Variants in SLC22A24 observed in about 807,000 individuals in gnomAD.
SLC22A24 encodes the protein steroid transmembrane transporter SLC22A24.
A neutral mutation model predicts 49.8 loss-of-function variants in SLC22A24; 53 were observed. That is an observed-to-expected ratio of 1.06 (90% CI 0.85 to 1.34). The LOEUF (loss-of-function observed/expected upper bound fraction) is 1.34, where lower values mean the gene tolerates loss of function less well. Ranked by LOEUF, SLC22A24 falls within the 40% of genes most tolerant of loss-of-function variation. The probability of loss-of-function intolerance (pLI) is 0.00; values close to 1 mark genes in which losing one functional copy is unlikely to be tolerated. For synonymous variants in SLC22A24, 302 were observed against 256.4 expected, an observed-to-expected ratio of 1.18 and a Z score of -1.70; for missense variants, 786 against 675.9, an observed-to-expected ratio of 1.16 and a Z score of -1.81.
chr11:63,139,348 A>G (rs183986424), intron 1 of SLC22A24, among the ~76,000 whole-genome samples: 12 of 152,310 alleles, frequency 7.9e-5, no homozygotes, highest in Admixed American at 7.2e-4. Flanking sequence ...ATCCCTCTCA[A>G]AATGCTGTGT....
chr11:63,113,320 T>G (rs2087188417), intron 4 of SLC22A24, among the ~76,000 whole-genome samples: 1 of 151,180 alleles, frequency 6.6e-6, no homozygotes, highest in South Asian at 2.1e-4. Context: ...TTATTTTGCC[T>G]GTTAATTGAT....
At chr11:63,084,598 A>T (rs1184883894) in intron 6 of SLC22A24, among the ~76,000 whole-genome samples, 2 of 152,086 alleles carry the variant, frequency 1.3e-5, no homozygotes, top group Non-Finnish European at 2.9e-5. Context: ...AATTTACATA[A>T]AGGCACCCAG....
intron 7 of SLC22A24, among the ~76,000 whole-genome samples, chr11:63,083,027 T>C (rs569644528): frequency 1.4e-4 from 21 of 152,252 alleles, no homozygotes; most frequent in African/African-American, 4.8e-4. Flanking sequence ...GACAACCGTG[T>C]GTCTGAACCA....
At chr11:63,125,405 G>T (rs1455529274) in intron 2 of SLC22A24, among the ~76,000 whole-genome samples, 2 of 152,154 alleles carry the variant, frequency 1.3e-5, no homozygotes, top group African/African-American at 2.4e-5. Context: ...AGAACATGCA[G>T]TGTTTAGTTT....
At chr11:63,128,314 G>C (rs986289202) in intron 2 of SLC22A24, among the ~76,000 whole-genome samples, 1 of 151,998 alleles carries the variant, frequency 6.6e-6, no homozygotes, top group Non-Finnish European at 1.5e-5. Context: ...TAACACCAGC[G>C]CCTGGGAAGA....
In SLC22A24 at chr11:63,143,380, C is replaced by A; in HGVS notation, c.400G>T (p.Glu134Ter). The A allele has an allele frequency of 1.4e-6, 2 of 1,447,370 alleles. No individual in the cohort carries two copies. The highest frequency in any genetic ancestry group is 1.8e-6 in the Non-Finnish European group (2 of 1,098,424). The allele number at this position is 1,447,370 out of a possible 1,614,324, so 89.7% of individuals were successfully genotyped here. A position where few individuals can be genotyped will look rare whatever the true frequency, so the allele number is the denominator to read the frequency against. Residue 134 changes from glutamate to a stop codon, truncating the protein, a stop_gained and splice_region_variant, in exon 1 of 10, where the codon GAG becomes TAG. Transcript: ENST00000612278. LOFTEE classifies it high-confidence loss of function. Reference sequence around the variant, plus strand: ...AAGATTTACATGGGGCCTCTTACCTCAGTCACGATGGTGGAGAGGAAAGAG... The same window carrying A: ...AAGATTTACATGGGGCCTCTTACCTAAGTCACGATGGTGGAGAGGAAAGAG... ...RSSFLSTIVT[E>*]WDLVCESQSL... is the part of the protein sequence containing the mutation.
In SLC22A24 at chr11:63,086,208, A is replaced by G. The variant is rs371332354; in HGVS notation, c.1071-2751T>C. ...TGGATATACACCCAAAGGAATATAAATCATTCTACTATAAAGATGCATGTA... is the reference window on the plus strand; with the variant it reads ...TGGATATACACCCAAAGGAATATAAGTCATTCTACTATAAAGATGCATGTA... On this transcript the variant is annotated intron_variant, in intron 6 of 9. Coordinates refer to ENST00000612278, the MANE Select transcript of SLC22A24 (RefSeq NM_001136506.2). Among the ~76,000 whole-genome samples, 10 of 152,342 alleles carry G rather than the reference A, an allele frequency of 6.6e-5. No homozygotes were observed. In the South Asian group the frequency reaches 1.0e-3, roughly 16 times the overall value.
intron 2 of SLC22A24, among the ~76,000 whole-genome samples, chr11:63,124,774 T>TA (rs1263297639): frequency 6.6e-6 from 1 of 152,088 alleles, no homozygotes; most frequent in Admixed American, 6.6e-5. Context: ...TATGCAGCCA[T>TA]AAAAAATGAT....
chr11:63,094,135 T>TC, intron 6 of SLC22A24, among the ~76,000 whole-genome samples: 1 of 108,360 alleles, frequency 9.2e-6, no homozygotes, highest in Non-Finnish European at 1.9e-5. Context: ...ATGCTATCCC[T>TC]CCCCCCTCCC....
intron 2 of SLC22A24, among the ~76,000 whole-genome samples, chr11:63,126,798 A>C (rs1158024872): frequency 6.6e-6 from 1 of 152,068 alleles, no homozygotes; most frequent in African/African-American, 2.4e-5. Context: ...TGAGCATGGA[A>C]TGTTTTTCCA....
intron 4 of SLC22A24, among the ~76,000 whole-genome samples, chr11:63,109,488 C>A (rs2087146656): frequency 7.0e-6 from 1 of 142,720 alleles, no homozygotes; most frequent in Non-Finnish European, 1.5e-5. Flanking sequence ...TCCTATTTCT[C>A]CACATCCTCT....
At chr11:63,114,269 ACTCTTTTTT>A (rs2087196461) in intron 4 of SLC22A24, among the ~76,000 whole-genome samples, 1 of 151,668 alleles carries the variant, frequency 6.6e-6, no homozygotes, top group Non-Finnish European at 1.5e-5. Context: ...ACTTCTTTTT[ACTCTTTTTT>A]CTCTAAACTT....
At chr11:63,097,311 C>A (rs1278577266) in intron 5 of SLC22A24, among the ~76,000 whole-genome samples, 4 of 151,884 alleles carry the variant, frequency 2.6e-5, no homozygotes, top group Non-Finnish European at 5.9e-5. Context: ...ATGCAGCCAA[C>A]AAACATGAAA....
intron 2 of SLC22A24, among the ~76,000 whole-genome samples, chr11:63,130,624 G>A (rs921337735): frequency 2.0e-5 from 3 of 151,962 alleles, no homozygotes; most frequent in Non-Finnish European, 4.4e-5. Flanking sequence ...TTGATTGGTG[G>A]GCTGTTAATT....
chr11:63,142,660 T>G (rs2087422639), intron 1 of SLC22A24, among the ~76,000 whole-genome samples: 1 of 152,122 alleles, frequency 6.6e-6, no homozygotes, highest in Non-Finnish European at 1.5e-5. Flanking sequence ...CTTGAGATAT[T>G]TTGCAGATCC....
intron 4 of SLC22A24, among the ~76,000 whole-genome samples, chr11:63,106,099 A>C (rs564057206): frequency 3.2e-4 from 35 of 108,068 alleles, no homozygotes; most frequent in African/African-American, 1.2e-3. Flanking sequence ...ACCCCACAAC[A>C]GTCCCCGGTG....
rs769034535 is a variant in SLC22A24, at chr11:63,105,643, C to T, written c.831-1345G>A. Among the ~76,000 whole-genome samples, 202 of 152,240 alleles carry T rather than the reference C, an allele frequency of 1.3e-3. 1 individual carries two copies. The highest frequency in any genetic ancestry group is 1.9e-3 in the Non-Finnish European group (131 of 68,006). ...ACTCAGGACACCTGCCCCTAGGATG[C>T]ACACAGCAGGGGTCCCTTGGTTTAG... On this transcript the variant is annotated intron_variant, in intron 4 of 9. Coordinates refer to ENST00000612278, the MANE Select transcript of SLC22A24 (RefSeq NM_001136506.2).
intron 2 of SLC22A24, among the ~76,000 whole-genome samples, chr11:63,121,412 G>A (rs2087251023): frequency 6.6e-6 from 1 of 152,080 alleles, no homozygotes; most frequent in Non-Finnish European, 1.5e-5. Context: ...CACTGGAAAT[G>A]AGAATAGGAA....
At chr11:63,108,019 A>C (rs923146265) in intron 4 of SLC22A24, among the ~76,000 whole-genome samples, 24 of 152,228 alleles carry the variant, frequency 1.6e-4, no homozygotes, top group Middle Eastern at 6.8e-3. Context: ...GCCAGTTTTC[A>C]AAGGGAATGC....
Sources: gnomAD v4.1 joint callset for allele counts (sites outside exome capture counted in the v4.1 genomes callset) on GRCh38, gnomAD v4.1.1 for gene constraint, MANE v1.5 for transcripts, NCBI Gene and HGNC (gene_info 2026-07-23, HGNC 2026-07-21) for gene names.